PATJ: variants seen among roughly 807,000 people sequenced by gnomAD.
PATJ encodes the protein inaD-like protein.
Under a neutral mutation model 224.9 loss-of-function variants are expected in PATJ, and 190 were observed. The ratio of observed to expected loss-of-function variants is 0.84; its 90% CI spans 0.75 to 0.95. The LOEUF (loss-of-function observed/expected upper bound fraction) is 0.95, where lower values mean the gene tolerates loss of function less well. PATJ is among the 40% of genes least tolerant of loss of function. The pLI is 0.00. For missense variants in PATJ, 2,121 were observed against 2,270.3 expected, an observed-to-expected ratio of 0.93 and a Z score of 1.34; for synonymous variants, 769 against 820.3, an observed-to-expected ratio of 0.94 and a Z score of 1.07.
At chr1:61,764,477 T>C (rs1452664701) in intron 3 of PATJ, among the ~76,000 whole-genome samples, 1 of 151,996 alleles carries the variant, frequency 6.6e-6, no homozygotes, top group Non-Finnish European at 1.5e-5. Flanking sequence ...TTAACTGTCC[T>C]CTTGGATTCT....
intron 22 of PATJ, among the ~76,000 whole-genome samples, chr1:61,896,856 T>C (rs1670444454): frequency 6.6e-6 from 1 of 152,164 alleles, no homozygotes. Context: ...CCCCTTACCT[T>C]CTGCCATGTT....
chr1:61,946,179 A>C (rs1005011295), intron 27 of PATJ, among the ~76,000 whole-genome samples: 3 of 152,192 alleles, frequency 2.0e-5, no homozygotes, highest in Non-Finnish European at 4.4e-5. Flanking sequence ...GAGCAAACAC[A>C]TTCAAAAGCT....
At chr1:61,830,527 T>C (rs1659115416) in intron 16 of PATJ, among the ~76,000 whole-genome samples, 1 of 152,066 alleles carries the variant, frequency 6.6e-6, no homozygotes, top group Admixed American at 6.6e-5. Context: ...TAAGGAAATT[T>C]TTAGAAAAAT....
At chr1:61,773,550 A>G (rs1286839) in intron 6 of PATJ, among the ~76,000 whole-genome samples, 136,780 of 149,570 alleles carry the variant, frequency 0.91, 63,320 homozygotes, top group East Asian at 1. Flanking sequence ...ACTTTGGGAG[A>G]CCGAGGTGGG....
At chr1:61,813,025 GTCA>G (rs1465751979) in intron 14 of PATJ, among the ~76,000 whole-genome samples, 1 of 151,768 alleles carries the variant, frequency 6.6e-6, no homozygotes, top group Non-Finnish European at 1.5e-5. Flanking sequence ...AGCCTCCTGT[GTCA>G]TATTACTTTA....
In PATJ at chr1:62,118,411, G is replaced by A. The variant is rs1035306505; in HGVS notation, c.4890+1193G>A. 3.9e-5 allele frequency among the ~76,000 whole-genome samples: 6 copies of A among 152,200 alleles called. No homozygotes were observed. The East Asian group carries it at 1.2e-3, about 29-fold the overall frequency. On this transcript the variant is annotated intron_variant, in intron 37 of 43. Coordinates refer to ENST00000642238, the MANE Select transcript of PATJ (RefSeq NM_001350145.3). ...ATTGTATACAGAAGATTAGAATGAAGCTACACAGAGGAGGTTCCATTGAAT... is the reference window on the plus strand; with the variant it reads ...ATTGTATACAGAAGATTAGAATGAAACTACACAGAGGAGGTTCCATTGAAT...
chr1:61,780,928 G>A (rs1420220987), intron 7 of PATJ, among the ~76,000 whole-genome samples: 2 of 152,190 alleles, frequency 1.3e-5, no homozygotes, highest in African/African-American at 4.8e-5. Context: ...AGGAGGTAGA[G>A]GGTATGCTTG....
chr1:61,774,996 G>C lies in PATJ; in HGVS notation c.721-210G>C, dbSNP rs147447372. On this transcript the variant is annotated intron_variant, in intron 6 of 43. Transcript: ENST00000642238. ...TTGTATTTTAATTATTTGTGTTTTA[G>C]TTTCTCTCTACTGGATTATAAGATC... 3.7e-3 allele frequency among the ~76,000 whole-genome samples: 558 copies of C among 152,192 alleles called. 2 individuals carry two copies. Among genetic ancestry groups the C allele is most frequent in the African/African-American group, 0.013 (536 of 41,530 alleles).
intron 24 of PATJ, among the ~76,000 whole-genome samples, chr1:61,902,152 T>A (rs531722098): frequency 6.7e-6 from 1 of 148,866 alleles, no homozygotes; most frequent in Non-Finnish European, 1.5e-5. Context: ...ACCCTGGAGG[T>A]GGGGGTCTCA....
chr1:61,930,848 T>C (rs1489503874), intron 27 of PATJ, among the ~76,000 whole-genome samples: 2 of 152,020 alleles, frequency 1.3e-5, no homozygotes, highest in African/African-American at 4.8e-5. Context: ...GCAGGGATTA[T>C]AGGAATGCGC....
intron 26 of PATJ, among the ~76,000 whole-genome samples, chr1:61,920,702 CTTTTTTTTTT>C (rs71582652): frequency 5.6e-5 from 5 of 89,508 alleles, no homozygotes; most frequent in African/African-American, 1.3e-4. Context: ...GTATGGAATT[CTTTTTTTTTT>C]TTTTTTTTTT....
At chr1:61,845,271 G>A (rs890941941) in intron 17 of PATJ, among the ~76,000 whole-genome samples, 1 of 152,188 alleles carries the variant, frequency 6.6e-6, no homozygotes, top group Non-Finnish European at 1.5e-5. Flanking sequence ...TGAGGTTAAG[G>A]AGTTCACTCA....
intron 33 of PATJ, among the ~76,000 whole-genome samples, chr1:62,106,725 G>C (rs1450230481): frequency 6.6e-6 from 1 of 152,038 alleles, no homozygotes; most frequent in Non-Finnish European, 1.5e-5. Context: ...TGTGGTCATT[G>C]CCATCAGCAC....
At chr1:62,027,390 C>T (rs553920086) in intron 29 of PATJ, among the ~76,000 whole-genome samples, 1 of 152,326 alleles carries the variant, frequency 6.6e-6, no homozygotes, top group African/African-American at 2.4e-5. Flanking sequence ...GTTGCTTCCA[C>T]CTTTTGGTGA....
intron 27 of PATJ, among the ~76,000 whole-genome samples, chr1:61,937,433 T>C (rs1265566080): frequency 3.3e-5 from 5 of 152,046 alleles, no homozygotes; most frequent in Admixed American, 6.6e-5. Flanking sequence ...GGGAAAAATA[T>C]AGAGTGCCAT....
chr1:61,899,200 A>G (rs1165885532), intron 22 of PATJ, among the ~76,000 whole-genome samples: 2 of 152,234 alleles, frequency 1.3e-5, no homozygotes, highest in Non-Finnish European at 2.9e-5. Context: ...CTTGATATCT[A>G]TGATACATGT....
intron 21 of PATJ, among the ~76,000 whole-genome samples, chr1:61,881,887 A>T (rs1183736166): frequency 6.6e-6 from 1 of 152,204 alleles, no homozygotes; most frequent in Admixed American, 6.5e-5. Flanking sequence ...GGACCGTGGG[A>T]TGCACAATAG....
chr1:61,879,142 G>A (rs1282457957), intron 21 of PATJ, among the ~76,000 whole-genome samples: 2 of 152,194 alleles, frequency 1.3e-5, no homozygotes, highest in Non-Finnish European at 2.9e-5. Context: ...TTATAAACAT[G>A]ATAAAAACAA....
chr1:61,979,804 G>T (rs1441325601), intron 27 of PATJ, among the ~76,000 whole-genome samples: 9 of 152,020 alleles, frequency 5.9e-5, no homozygotes. Flanking sequence ...GCCATGGAGT[G>T]GTAAGATTGG....
Sources: allele counts gnomAD v4.1 joint callset (sites outside exome capture counted in the v4.1 genomes callset), GRCh38; gene constraint gnomAD v4.1.1; transcripts MANE v1.5; gene names NCBI Gene and HGNC (gene_info 2026-07-23, HGNC 2026-07-21).